SDK2: variants seen among roughly 807,000 people sequenced by gnomAD.
SDK2 encodes sidekick cell adhesion molecule 2.
In SDK2, 105 loss-of-function variants were observed where a neutral mutation model predicts 253.9. The observed-to-expected ratio is 0.41, with a 90% CI of 0.35 to 0.49. The LOEUF is 0.49. SDK2 is among the 20% of genes least tolerant of loss of function. SDK2 has a pLI of 0.06. For synonymous variants in SDK2, 1,249 were observed against 1,234.9 expected, an observed-to-expected ratio of 1.01 and a Z score of -0.24; for missense variants, 2,608 against 3,003.0, an observed-to-expected ratio of 0.87 and a Z score of 3.07.
chr17:73,422,730 A>G (rs74699376), intron 14 of SDK2, among the ~76,000 whole-genome samples: 6,617 of 152,172 alleles, frequency 0.043, 321 homozygotes, highest in African/African-American at 0.12. Context: ...TGTGTTTAAA[A>G]TGCCATTCAG....
At chr17:73,604,294 G>C (rs760506533) in intron 1 of SDK2, among the ~76,000 whole-genome samples, 4 of 152,212 alleles carry the variant, frequency 2.6e-5, no homozygotes, top group African/African-American at 4.8e-5. Context: ...ATTCAGAGAG[G>C]AACGCCCAGT....
intron 1 of SDK2, among the ~76,000 whole-genome samples, chr17:73,545,999 A>G (rs973677941): frequency 1.3e-5 from 2 of 152,058 alleles, no homozygotes; most frequent in African/African-American, 2.4e-5. Flanking sequence ...GCCAATCCCT[A>G]CATAGACTCA....
chr17:73,405,810 C>T (rs931009963), intron 18 of SDK2, among the ~76,000 whole-genome samples: 10 of 151,262 alleles, frequency 6.6e-5, no homozygotes, highest in African/African-American at 2.4e-4. Flanking sequence ...AGCTCCGCCT[C>T]TCGGGTTCAC....
intron 1 of SDK2, among the ~76,000 whole-genome samples, chr17:73,601,899 A>G (rs983145938): frequency 6.6e-6 from 1 of 152,130 alleles, no homozygotes; most frequent in Non-Finnish European, 1.5e-5. Flanking sequence ...ACCCAGCACC[A>G]TGCCCGGCTA....
rs115251489 is a variant in SDK2, at chr17:73,568,728, G to T, written c.65-61131C>A. Among the ~76,000 whole-genome samples the T allele has an allele frequency of 5.0e-3, 768 of 152,212 alleles. 3 individuals are homozygous for T. The highest frequency in any genetic ancestry group is 0.017 in the African/African-American group (716 of 41,520). On this transcript the variant is annotated intron_variant, in intron 1 of 44. Transcript: ENST00000392650. The stretch of plus-strand genomic sequence containing the variant: ...TAAGGGCTGAAAATTCCCCAAATTT[G>T]GAGAAAGACAAATTGAAGATTCAAG...
At chr17:73,468,419 C>G (rs1469241840) in intron 3 of SDK2, among the ~76,000 whole-genome samples, 2 of 152,160 alleles carry the variant, frequency 1.3e-5, no homozygotes, top group Non-Finnish European at 2.9e-5. Flanking sequence ...GGGTGAGGCT[C>G]AGAGAGGTCC....
chr17:73,366,787 A>G (rs1490091288), intron 37 of SDK2, among the ~76,000 whole-genome samples: 2 of 151,962 alleles, frequency 1.3e-5, no homozygotes, highest in East Asian at 1.9e-4. Flanking sequence ...GTGCCTGACT[A>G]CCAGGCTCGC....
At chr17:73,393,081 C>A (rs1042801200) in intron 27 of SDK2, among the ~76,000 whole-genome samples, 4 of 151,642 alleles carry the variant, frequency 2.6e-5, no homozygotes, top group South Asian at 2.1e-4. Flanking sequence ...CCCAGCTCTA[C>A]TAAAAATACA....
chr17:73,609,642 C>G lies in SDK2; in HGVS notation c.64+34383G>C, dbSNP rs1455273963. Reference sequence around the variant, plus strand: ...AGATGGGAGAAATCACAAAGCATTTCTCTGCTAATGGGAATGACTTTCAAG... The same window carrying G: ...AGATGGGAGAAATCACAAAGCATTTGTCTGCTAATGGGAATGACTTTCAAG... On this transcript the variant is annotated intron_variant, in intron 1 of 44. Coordinates refer to ENST00000392650, the MANE Select transcript of SDK2 (RefSeq NM_001144952.2). This position sits in a 1 kb window ranked among gnomAD's most constrained non-coding sequence, Gnocchi z 4.4. Among the ~76,000 whole-genome samples, 2 of 152,158 alleles carry G rather than the reference C, an allele frequency of 1.3e-5. No individual in the cohort carries two copies.
chr17:73,463,531 C>A (rs1457338515), intron 3 of SDK2, among the ~76,000 whole-genome samples: 1 of 152,180 alleles, frequency 6.6e-6, no homozygotes, highest in Non-Finnish European at 1.5e-5. Flanking sequence ...TGGATCTCCC[C>A]CCTTCCCCGG....
chr17:73,406,839 G>A (rs1568386367), intron 18 of SDK2, among the ~76,000 whole-genome samples: 1 of 152,202 alleles, frequency 6.6e-6, no homozygotes, highest in Non-Finnish European at 1.5e-5. Context: ...AATGCAGTGC[G>A]AAGTCCATCC....
chr17:73,415,883 C>T lies in SDK2; in HGVS notation c.2296G>A (p.Glu766Lys), dbSNP rs893166688. 7 of 1,590,324 alleles carry T rather than the reference C, an allele frequency of 4.4e-6. No homozygotes were observed. Among genetic ancestry groups the T allele is most frequent in the Non-Finnish European group, 6.0e-6 (7 of 1,168,672 alleles). ...CCAGCGCTGTTGTAAGCAGCCACCT[C>T]GATCTCGTAGTTGGTCCAAATGATG... The part of the protein sequence containing the change: ...DLIIWTNYEI[E>K]VAAYNSAGLG... The change falls in exon 17 of 45, where the codon GAG (glutamate) becomes AAG (lysine). Residue 766 changes from glutamate to lysine, a missense_variant. Physicochemically the swap from Glu to Lys is moderately conservative, Grantham distance 56. Coordinates refer to ENST00000392650, the MANE Select transcript of SDK2 (RefSeq NM_001144952.2).
At chr17:73,452,189 C>T (rs951136175) in intron 4 of SDK2, among the ~76,000 whole-genome samples, 5 of 152,156 alleles carry the variant, frequency 3.3e-5, no homozygotes, top group Admixed American at 1.3e-4. Flanking sequence ...CAATGAGCAC[C>T]GGGGCATGCA....
chr17:73,543,398 T>C (rs1599664862), intron 1 of SDK2, among the ~76,000 whole-genome samples: 1 of 152,174 alleles, frequency 6.6e-6, no homozygotes, highest in Non-Finnish European at 1.5e-5. Context: ...TGGGAAAAGA[T>C]TCCCCACTCT....
intron 15 of SDK2, among the ~76,000 whole-genome samples, chr17:73,421,887 C>T (rs771884627): frequency 2.6e-5 from 4 of 152,064 alleles, no homozygotes; most frequent in Admixed American, 6.6e-5. Context: ...AAAAGCTTTG[C>T]GGGAACCCTA....
chr17:73,538,255 T>C (rs527728458), intron 1 of SDK2, among the ~76,000 whole-genome samples: 1 of 152,182 alleles, frequency 6.6e-6, no homozygotes, highest in Non-Finnish European at 1.5e-5. Flanking sequence ...CAAGCAGCTT[T>C]CCAAAGCCAC....
At chr17:73,458,160 G>C (rs558381917) in intron 3 of SDK2, among the ~76,000 whole-genome samples, 1 of 152,118 alleles carries the variant, frequency 6.6e-6, no homozygotes, top group African/African-American at 2.4e-5. Flanking sequence ...ATTTTTAATA[G>C]AAACGAGGTC....
At chr17:73,623,460 G>T (rs947465618) in intron 1 of SDK2, among the ~76,000 whole-genome samples, 1 of 152,182 alleles carries the variant, frequency 6.6e-6, no homozygotes, top group Non-Finnish European at 1.5e-5. Flanking sequence ...AAGAGCCCTG[G>T]GGGGAAGGAA....
chr17:73,602,639 C>T (rs2045856776), intron 1 of SDK2, among the ~76,000 whole-genome samples: 1 of 151,766 alleles, frequency 6.6e-6, no homozygotes, highest in South Asian at 2.1e-4. Flanking sequence ...AAGAAACCCA[C>T]ACAAGGAAAT....
Sources: allele counts gnomAD v4.1 joint callset (sites outside exome capture counted in the v4.1 genomes callset), GRCh38; gene constraint gnomAD v4.1.1; non-coding constraint Gnocchi (gnomAD v3.1); transcripts MANE v1.5; gene names NCBI Gene and HGNC (gene_info 2026-07-23, HGNC 2026-07-21).